TXNRD1: variants seen among roughly 807,000 people sequenced by gnomAD.
TXNRD1 encodes thioredoxin reductase 1.
Under a neutral mutation model 80.3 loss-of-function variants are expected in TXNRD1, and 57 were observed. The observed-to-expected ratio is 0.71, with a 90% CI of 0.57 to 0.89. The LOEUF (loss-of-function observed/expected upper bound fraction) is 0.89, where lower values mean the gene tolerates loss of function less well. Among genes scored for constraint, TXNRD1 ranks in the 40% least tolerant of loss-of-function variants. The pLI, the probability that TXNRD1 is intolerant of heterozygous loss-of-function variation, is 0.00. For synonymous variants in TXNRD1, 291 were observed against 285.2 expected, an observed-to-expected ratio of 1.02 and a Z score of -0.20; for missense variants, 730 against 803.0, an observed-to-expected ratio of 0.91 and a Z score of 1.10.
At chr12:104,272,398 G>A (rs886768380) in intron 3 of TXNRD1, among the ~76,000 whole-genome samples, 1 of 152,174 alleles carries the variant, frequency 6.6e-6, no homozygotes, top group African/African-American at 2.4e-5. Flanking sequence ...TCAGGGTGGG[G>A]TAGGTAATCG....
chr12:104,274,433 C>T (rs1382415469), intron 3 of TXNRD1, among the ~76,000 whole-genome samples: 2 of 152,112 alleles, frequency 1.3e-5, no homozygotes, highest in African/African-American at 2.4e-5. Flanking sequence ...CGGTGGCTCA[C>T]GCCTGTAATC....
At chr12:104,320,960 G>T (rs1427008717) in intron 9 of TXNRD1, 131 bp from the exon 10 acceptor site, 1 of 684,192 alleles carries the variant, frequency 1.5e-6, no homozygotes. Flanking sequence ...TATTATGTGT[G>T]TAGCTAGTAG....
At chr12:104,263,596 G>A (rs2033414766) in intron 3 of TXNRD1, among the ~76,000 whole-genome samples, 2 of 152,130 alleles carry the variant, frequency 1.3e-5, no homozygotes, top group South Asian at 4.1e-4. Flanking sequence ...GTCTTCCTAG[G>A]AGCTTTGATC....
intron 1 of TXNRD1, among the ~76,000 whole-genome samples, chr12:104,224,201 C>T (rs1306268803): frequency 3.3e-5 from 5 of 152,152 alleles, no homozygotes. Flanking sequence ...CCTTCCTTCT[C>T]TTTGCTGGGC....
intron 4 of TXNRD1, among the ~76,000 whole-genome samples, chr12:104,307,023 T>C (rs1309996367): frequency 2.0e-5 from 3 of 152,180 alleles, no homozygotes; most frequent in Non-Finnish European, 4.4e-5. Flanking sequence ...ATTTTTTTGG[T>C]CTTCTCTAAA....
intron 3 of TXNRD1, among the ~76,000 whole-genome samples, chr12:104,282,035 A>G (rs947706121): frequency 3.9e-5 from 6 of 152,216 alleles, no homozygotes; most frequent in Admixed American, 2.0e-4. Context: ...AAGTCTCTAA[A>G]TTAAAATTTT....
chr12:104,257,493 G>A (rs2033283001), intron 2 of TXNRD1, among the ~76,000 whole-genome samples: 1 of 140,208 alleles, frequency 7.1e-6, no homozygotes, highest in African/African-American at 2.7e-5. Context: ...TGCAACCTCC[G>A]CCTCCTGAGT....
At chr12:104,234,460 A>G (rs911205569) in intron 1 of TXNRD1, among the ~76,000 whole-genome samples, 1 of 151,734 alleles carries the variant, frequency 6.6e-6, no homozygotes, top group Non-Finnish European at 1.5e-5. Flanking sequence ...ATGCCTGGCA[A>G]ATTTTTGTAT....
intron 4 of TXNRD1, chr12:104,310,171 A>G: frequency 4.8e-6 from 5 of 1,043,926 alleles, no homozygotes; most frequent in Admixed American, 3.9e-5. Context: ...AATGAGATGG[A>G]GTCTCACTCT....
intron 3 of TXNRD1, among the ~76,000 whole-genome samples, chr12:104,280,964 A>G (rs1306607125): frequency 6.6e-6 from 1 of 152,196 alleles, no homozygotes; most frequent in Admixed American, 6.5e-5. Flanking sequence ...ATGGTATTAA[A>G]TATCTTTTAT....
intron 4 of TXNRD1, chr12:104,303,940 G>T: frequency 6.3e-7 from 1 of 1,595,078 alleles, no homozygotes; most frequent in Non-Finnish European, 8.5e-7. Flanking sequence ...CGCTGATGAA[G>T]ATGGATGTGT....
chr12:104,271,634 A>C (rs1454491510), intron 3 of TXNRD1, among the ~76,000 whole-genome samples: 1 of 152,194 alleles, frequency 6.6e-6, no homozygotes, highest in Non-Finnish European at 1.5e-5. Flanking sequence ...TACATTGATC[A>C]GTCAGGGTGG....
chr12:104,252,514 A>G (rs2033140384), intron 2 of TXNRD1, among the ~76,000 whole-genome samples: 1 of 151,158 alleles, frequency 6.6e-6, no homozygotes, highest in Non-Finnish European at 1.5e-5. Flanking sequence ...GAGAATTGAA[A>G]GGCAAACCTG....
chr12:104,272,809 GA>G (rs1294640205), intron 3 of TXNRD1, among the ~76,000 whole-genome samples: 4 of 146,820 alleles, frequency 2.7e-5, no homozygotes, highest in Non-Finnish European at 6.0e-5. Flanking sequence ...AAAAAGAAAA[GA>G]AAAAAAAGTA....
At chr12:104,313,666 G>A (rs1375455001) in intron 6 of TXNRD1, among the ~76,000 whole-genome samples, 5 of 152,110 alleles carry the variant, frequency 3.3e-5, no homozygotes, top group African/African-American at 1.2e-4. Context: ...AACAAGAGTT[G>A]GAATCAGATA....
At chr12:104,245,281 G>A (rs1052408533) in intron 1 of TXNRD1, among the ~76,000 whole-genome samples, 2 of 151,770 alleles carry the variant, frequency 1.3e-5, no homozygotes, top group African/African-American at 4.8e-5. Flanking sequence ...GGAGGCTGCG[G>A]CAGGCGGGTC....
In TXNRD1 at chr12:104,303,664, G is replaced by C. The variant is rs971772876; in HGVS notation, c.415-7626G>C. On this transcript the variant is annotated intron_variant, in intron 4 of 16. Coordinates refer to ENST00000525566, the MANE Select transcript of TXNRD1 (RefSeq NM_001093771.3). ...AGCGAGCGCCTCGGCTTGTGGCTGG[G>C]CCGGGCCGGGGCGGGGCTGTCTTCC... 4 of 458,422 alleles carry C rather than the reference G, an allele frequency of 8.7e-6. No homozygotes were observed. In the South Asian group the frequency reaches 1.3e-4, roughly 15 times the overall value. 28.4% of individuals were successfully genotyped at this position (458,422 alleles called of 1,614,324 possible).
At chr12:104,344,559 A>G (rs1026332231) in intron 16 of TXNRD1, among the ~76,000 whole-genome samples, 42 of 152,322 alleles carry the variant, frequency 2.8e-4, no homozygotes, top group Middle Eastern at 3.4e-3. Context: ...TAGCCTATCA[A>G]TCATCTCAAA....
chr12:104,278,620 G>A (rs1028288157), intron 3 of TXNRD1, among the ~76,000 whole-genome samples: 19 of 150,934 alleles, frequency 1.3e-4, no homozygotes, highest in Non-Finnish European at 1.5e-5. Flanking sequence ...TCCTGCCTCA[G>A]CCTCCTGAGT....
Sources: allele counts gnomAD v4.1 joint callset (sites outside exome capture counted in the v4.1 genomes callset), GRCh38; gene constraint gnomAD v4.1.1; transcripts MANE v1.5; gene names NCBI Gene and HGNC (gene_info 2026-07-23, HGNC 2026-07-21).